The following NEBL variants were observed in gnomAD, a reference collection of about 807,000 sequenced individuals.
NEBL encodes nebulette, also known as LIM and SH3 protein 2.
A neutral mutation model predicts 140.2 loss-of-function variants in NEBL; 122 were observed. The ratio of observed to expected loss-of-function variants is 0.87; its 90% CI spans 0.75 to 1.01. The LOEUF (loss-of-function observed/expected upper bound fraction) is 1.01. Ranked by LOEUF, NEBL falls within the 50% of genes least tolerant of loss-of-function variation. The pLI, the probability that NEBL is intolerant of heterozygous loss-of-function variation, is 0.00. For missense variants in NEBL, 1,365 were observed against 1,231.3 expected (o/e 1.11, Z -1.62); for synonymous variants, 436 against 398.9 (o/e 1.09, Z -1.11).
chr10:20,895,067 G>A (rs192174219), intron 2 of NEBL, among the ~76,000 whole-genome samples: 1 of 151,932 alleles, frequency 6.6e-6, no homozygotes, highest in East Asian at 1.9e-4. Context: ...GGTGTGAAAT[G>A]TATGGATTTA....
intron 20 of NEBL, chr10:20,819,085 T>C: frequency 2.0e-6 from 2 of 1,013,876 alleles, no homozygotes; most frequent in Non-Finnish European, 2.4e-6. Flanking sequence ...AACTTTTAAG[T>C]TCAGCGGTAC....
chr10:21,113,925 TTTA>T lies in NEBL; in HGVS notation c.164+58455_164+58457del, dbSNP rs1158273702. 5.9e-5 allele frequency among the ~76,000 whole-genome samples: 9 copies of T among 152,140 alleles called. No homozygotes were observed. In the East Asian group the frequency reaches 1.7e-3, roughly 29 times the overall value. On this transcript the variant is annotated intron_variant, in intron 2 of 6. Transcript: ENST00000417816. ...TATGACATTGATTCTGCTCCTATAG[TTTA>T]TTATTTCCTTTCTTCTGCTTACTTT...
intron 1 of NEBL, among the ~76,000 whole-genome samples, chr10:21,275,637 C>CTTTTT (rs11396394): frequency 1.6e-4 from 19 of 119,528 alleles, no homozygotes; most frequent in Non-Finnish European, 2.4e-4. Flanking sequence ...ACATTACCAG[C>CTTTTT]TTTTTTTTTT....
At chr10:21,275,418 A>G (rs906448408) in intron 1 of NEBL, among the ~76,000 whole-genome samples, 1 of 151,978 alleles carries the variant, frequency 6.6e-6, no homozygotes, top group Non-Finnish European at 1.5e-5. Flanking sequence ...AAGTGGGATG[A>G]CTCCAAAATA....
At chr10:21,094,273 T>C (rs688247) in intron 2 of NEBL, among the ~76,000 whole-genome samples, 136,825 of 152,064 alleles carry the variant, frequency 0.9, 61,801 homozygotes, top group African/African-American at 0.95. Context: ...GAGGCCGAGG[T>C]GGGCGGATCA....
intron 2 of NEBL, among the ~76,000 whole-genome samples, chr10:21,069,478 T>C (rs1422991822): frequency 6.6e-6 from 1 of 152,214 alleles, no homozygotes; most frequent in Non-Finnish European, 1.5e-5. Context: ...CTGTCCAGGT[T>C]GGCTGTTTTG....
At chr10:21,071,977 C>T (rs903774664) in intron 2 of NEBL, among the ~76,000 whole-genome samples, 2 of 152,116 alleles carry the variant, frequency 1.3e-5, no homozygotes, top group African/African-American at 4.8e-5. Context: ...TGCCACCACA[C>T]CCAGCTAATT....
intron 12 of NEBL, among the ~76,000 whole-genome samples, chr10:20,841,058 T>A (rs1447252292): frequency 6.6e-6 from 1 of 152,124 alleles, no homozygotes; most frequent in Non-Finnish European, 1.5e-5. Context: ...TTCAGCCTTT[T>A]CCTTTTCATA....
intron 3 of NEBL, among the ~76,000 whole-genome samples, chr10:21,183,449 A>G (rs966548880): frequency 3.3e-5 from 5 of 152,150 alleles, no homozygotes; most frequent in Admixed American, 6.6e-5. Context: ...CAGGGCAAAC[A>G]GAAGAGAAAA....
intron 19 of NEBL, 38 bp downstream of exon 19, chr10:20,823,170 A>G: frequency 2.1e-6 from 3 of 1,463,138 alleles, no homozygotes; most frequent in South Asian, 1.2e-5. Context: ...GTTGATATAC[A>G]ATAAAATTTT....
At chr10:20,791,637 A>C (rs3847374) in intron 26 of NEBL, among the ~76,000 whole-genome samples, 69,511 of 151,860 alleles carry the variant, frequency 0.46, 16,244 homozygotes, top group Middle Eastern at 0.56. Flanking sequence ...TCAAGCAATT[A>C]TCTTGTCTCA....
intron 3 of NEBL, among the ~76,000 whole-genome samples, chr10:20,996,938 A>G (rs2131701289): frequency 6.6e-6 from 1 of 152,326 alleles, no homozygotes; most frequent in East Asian, 1.9e-4. Flanking sequence ...TGCCTCGGCC[A>G]TTTTGAAAAA....
chr10:20,894,648 C>T (rs916101872), intron 2 of NEBL, among the ~76,000 whole-genome samples: 2 of 151,716 alleles, frequency 1.3e-5, no homozygotes, highest in African/African-American at 4.8e-5. Context: ...GGCATGGTGG[C>T]TCACGCCTGT....
At chr10:21,248,884 T>A (rs1588561615) in intron 2 of NEBL, among the ~76,000 whole-genome samples, 1 of 152,158 alleles carries the variant, frequency 6.6e-6, no homozygotes, top group Admixed American at 6.5e-5. Flanking sequence ...TATGAAGTGA[T>A]GTCTCATTGT....
At chr10:21,160,271 G>C (rs921409684) in intron 2 of NEBL, among the ~76,000 whole-genome samples, 1 of 151,952 alleles carries the variant, frequency 6.6e-6, no homozygotes, top group South Asian at 2.1e-4. Flanking sequence ...AGCAGCCCCC[G>C]TGTGCAAATC....
chr10:20,975,828 A>G (rs920033310), intron 3 of NEBL, among the ~76,000 whole-genome samples: 60 of 152,140 alleles, frequency 3.9e-4, no homozygotes, highest in African/African-American at 1.4e-3. Context: ...ATGTGTCCAT[A>G]TAGATATATA....
chr10:20,828,494 C>T lies in NEBL; in HGVS notation c.1776+36G>A, dbSNP rs912457645. 6.5e-6 allele frequency: 9 copies of T among 1,388,214 alleles called. No homozygotes were observed. In the African/African-American group the frequency reaches 1.0e-4, roughly 15 times the overall value. The allele number at this position is 1,388,214 out of a possible 1,614,324, so 86.0% of individuals were successfully genotyped here. A position where few individuals can be genotyped will look rare whatever the true frequency, so the allele number is the denominator to read the frequency against. On this transcript the variant is annotated intron_variant, in intron 17 of 27. Coordinates refer to ENST00000377122, the MANE Select transcript of NEBL (RefSeq NM_006393.3). ...GACCATTTCTTACAAAACAAAATTT[C>T]AAGGTGGCAACTTAAAAGAAGTAAT...
At chr10:21,250,638 C>T (rs1399714815) in intron 2 of NEBL, among the ~76,000 whole-genome samples, 1 of 151,994 alleles carries the variant, frequency 6.6e-6, no homozygotes, top group African/African-American at 2.4e-5. Context: ...TGGCCGGGCT[C>T]GGTGGTTCAC....
Position 20,948,114 on chromosome 10 carries a change from T to C in NEBL, c.357+13558A>G, listed in dbSNP as rs1165188105. On this transcript the variant is annotated intron_variant, in intron 4 of 6. Transcript: ENST00000417816. ...GGACAAGCTTTAGAGTTGAGTGTTGTTCCTATTTTTAAATTTCTTTCATTT... is the reference window on the plus strand; with the variant it reads ...GGACAAGCTTTAGAGTTGAGTGTTGCTCCTATTTTTAAATTTCTTTCATTT... Among the ~76,000 whole-genome samples, 3 of 152,262 alleles carry C rather than the reference T, an allele frequency of 2.0e-5. No individual in the cohort carries two copies. In the East Asian group the frequency reaches 5.8e-4, roughly 29 times the overall value.
Sources: allele counts gnomAD v4.1 joint callset (sites outside exome capture counted in the v4.1 genomes callset), GRCh38; gene constraint gnomAD v4.1.1; transcripts MANE v1.5; gene names NCBI Gene and HGNC (gene_info 2026-07-23, HGNC 2026-07-21).